The following ARNT2 variants were observed in gnomAD, a reference collection of about 807,000 sequenced individuals.
The protein encoded by ARNT2 is aryl hydrocarbon receptor nuclear translocator 2.
A neutral mutation model predicts 91.7 loss-of-function variants in ARNT2; 36 were observed. The ratio of observed to expected loss-of-function variants is 0.39; its 90% CI spans 0.30 to 0.52. The LOEUF (loss-of-function observed/expected upper bound fraction) is 0.52. ARNT2 is among the 20% of genes least tolerant of loss of function. ARNT2 has a pLI of 0.72. For synonymous variants in ARNT2, 365 were observed against 347.1 expected, an observed-to-expected ratio of 1.05 and a Z score of -0.57; for missense variants, 775 against 939.3, an observed-to-expected ratio of 0.83 and a Z score of 2.29.
At chr15:80,552,119 C>T (rs978518644) in intron 9 of ARNT2, among the ~76,000 whole-genome samples, 2 of 152,154 alleles carry the variant, frequency 1.3e-5, no homozygotes, top group African/African-American at 4.8e-5. Context: ...CCCTGGTTTC[C>T]TAGTTCTGAC....
chr15:80,545,156 C>T (rs1298671755), intron 8 of ARNT2, among the ~76,000 whole-genome samples: 1 of 152,246 alleles, frequency 6.6e-6, no homozygotes, highest in Non-Finnish European at 1.5e-5. Flanking sequence ...TGTCCATCTA[C>T]TGAGCAGGAG....
rs569391458 is a variant in ARNT2, at chr15:80,427,425, C to T, written c.31+22879C>T. ...CGTTCTTGGTATGGTACCTAATATA[C>T]AAGAGATGTGTCCAGAAAATCTTAG... is the stretch of plus-strand genomic sequence containing the variant. On this transcript the variant is annotated intron_variant, in intron 1 of 18. Transcript: ENST00000303329. Among the ~76,000 whole-genome samples the T allele has an allele frequency of 1.5e-3, 222 of 152,212 alleles. 1 individual carries two copies. The highest frequency in any genetic ancestry group is 3.7e-3 in the Admixed American group (56 of 15,284).
chr15:80,562,928 T>C (rs1898393448), intron 11 of ARNT2, 160 bp from the exon 12 acceptor site: 3 of 780,208 alleles, frequency 3.8e-6, no homozygotes, highest in Non-Finnish European at 6.5e-6. Flanking sequence ...GAGTTCCCAT[T>C]GCAAAACTGC....
In ARNT2 at chr15:80,575,035, G is replaced by T; in HGVS notation, c.1438G>T (p.Val480Leu). 1 of 1,614,182 alleles carries T rather than the reference G, an allele frequency of 6.2e-7. No homozygotes were observed. The highest frequency in any genetic ancestry group is 8.5e-7 in the Non-Finnish European group (1 of 1,180,016). ...PAGVHEAGKS[V>L]EKADAIFSQE... is the part of the protein sequence containing the mutation. Reference sequence around the variant, plus strand: ...CGGTGTTCATGAGGCCGGGAAGTCCGTGGAAAAGGCGGATGCAATCTTCTC... The same window carrying T: ...CGGTGTTCATGAGGCCGGGAAGTCCTTGGAAAAGGCGGATGCAATCTTCTC... The change falls in exon 14 of 19, where the codon GTG (valine) becomes TTG (leucine). Residue 480 changes from valine (V) to leucine (L), a missense_variant. Val to Leu is a conservative substitution (Grantham distance 32). This residue lies in a region of ARNT2 where 325 missense variants were observed against 359.9 expected (regional missense o/e 0.90). Coordinates refer to ENST00000303329, the MANE Select transcript of ARNT2 (RefSeq NM_014862.4).
chr15:80,505,284 A>G (rs1897258002), intron 5 of ARNT2, among the ~76,000 whole-genome samples: 1 of 152,220 alleles, frequency 6.6e-6, no homozygotes, highest in Non-Finnish European at 1.5e-5. Context: ...GTAGCAGTAC[A>G]GAGGCTGGAA....
intron 5 of ARNT2, among the ~76,000 whole-genome samples, chr15:80,490,075 C>T (rs1168953358): frequency 6.6e-6 from 1 of 151,994 alleles, no homozygotes; most frequent in African/African-American, 2.4e-5. Context: ...GTCAGGGATT[C>T]GTGCACACAC....
At chr15:80,554,938 A>T (rs1898150725) in intron 10 of ARNT2, 127 bp from the exon 11 acceptor site, 1 of 977,278 alleles carries the variant, frequency 1.0e-6, no homozygotes, top group Non-Finnish European at 1.5e-6. Flanking sequence ...TTTTCAAAAA[A>T]TCTGGGGTGG....
chr15:80,583,713 C>G (rs1320180360), intron 17 of ARNT2, among the ~76,000 whole-genome samples: 1 of 152,198 alleles, frequency 6.6e-6, no homozygotes, highest in Non-Finnish European at 1.5e-5. Flanking sequence ...CTTACCCAGG[C>G]TAACTTACTA....
chr15:80,488,845 G>T (rs1214225825), intron 5 of ARNT2: 1 of 152,042 alleles, frequency 6.6e-6, no homozygotes, highest in Non-Finnish European at 1.5e-5. Context: ...ACTGAAAAAT[G>T]TGCAGCACTT....
chr15:80,407,902 T>C (rs1036749341), intron 1 of ARNT2, among the ~76,000 whole-genome samples: 2 of 152,218 alleles, frequency 1.3e-5, no homozygotes, highest in African/African-American at 4.8e-5. Context: ...AATTTAAGCA[T>C]GAGGGAATCA....
At chr15:80,424,163 G>A (rs1251303179) in intron 1 of ARNT2, among the ~76,000 whole-genome samples, 1 of 152,102 alleles carries the variant, frequency 6.6e-6, no homozygotes, top group African/African-American at 2.4e-5. Flanking sequence ...ACCAGATCTG[G>A]GCATGTATAC....
intron 11 of ARNT2, among the ~76,000 whole-genome samples, chr15:80,560,581 C>T (rs771844547): frequency 3.9e-5 from 6 of 152,182 alleles, no homozygotes; most frequent in Non-Finnish European, 8.8e-5. Context: ...CACACTGTCT[C>T]GGGCGTTCTA....
chr15:80,591,607 C>G lies in ARNT2; in HGVS notation c.1958C>G (p.Pro653Arg). The change falls in exon 18 of 19, where the codon CCC becomes CGC. Residue 653 changes from proline to arginine, a missense_variant. By Grantham distance (103) the Pro-to-Arg change is moderately radical. Coordinates refer to ENST00000303329, the MANE Select transcript of ARNT2 (RefSeq NM_014862.4). The surrounding 1 kb of genome is among the most constrained non-coding windows in gnomAD (Gnocchi z 5.1). Reference protein sequence around the residue: ...GQSSGQFQGRPSEVWSQWQSQ... With the variant: ...GQSSGQFQGRRSEVWSQWQSQ... ...AGTAGCGGGCAGTTCCAAGGGCGGC[C>G]CTCGGAAGTCTGGTCGCAGTGGCAA... 6.2e-7 allele frequency: 1 copy of G among 1,614,116 alleles called. No individual in the cohort carries two copies. The highest frequency in any genetic ancestry group is 8.5e-7 in the Non-Finnish European group (1 of 1,180,020).
chr15:80,406,674 G>T (rs996946863), intron 1 of ARNT2, among the ~76,000 whole-genome samples: 9 of 152,204 alleles, frequency 5.9e-5, no homozygotes, highest in African/African-American at 1.9e-4. Flanking sequence ...GACTGCGGGA[G>T]ACTTGAATGG....
intron 12 of ARNT2, among the ~76,000 whole-genome samples, chr15:80,572,168 G>T (rs1898595475): frequency 6.6e-6 from 1 of 151,924 alleles, no homozygotes; most frequent in Admixed American, 6.6e-5. Flanking sequence ...TGAGCCTAAG[G>T]TGAGTTAGGA....
chr15:80,432,231 C>T (rs557252252), intron 1 of ARNT2, among the ~76,000 whole-genome samples: 10 of 152,274 alleles, frequency 6.6e-5, no homozygotes, highest in Non-Finnish European at 1.2e-4. Flanking sequence ...ACGGGGGGAA[C>T]GGCAGTGTCT....
At chr15:80,589,121 C>T (rs1450210412) in intron 17 of ARNT2, among the ~76,000 whole-genome samples, 3 of 152,168 alleles carry the variant, frequency 2.0e-5, no homozygotes, top group Non-Finnish European at 4.4e-5. Context: ...AGGTCACTTA[C>T]AGTAAGGACC....
intron 8 of ARNT2, among the ~76,000 whole-genome samples, chr15:80,533,645 A>G (rs982352783): frequency 6.6e-6 from 1 of 152,220 alleles, no homozygotes; most frequent in Non-Finnish European, 1.5e-5. Context: ...ATTTTTTACA[A>G]CTGAAAGTTG....
intron 6 of ARNT2, among the ~76,000 whole-genome samples, chr15:80,510,539 A>G (rs1267794988): frequency 6.6e-6 from 1 of 152,178 alleles, no homozygotes; most frequent in Non-Finnish European, 1.5e-5. Context: ...CTTATTAAAA[A>G]GTCAAAAAGG....
Sources: allele counts gnomAD v4.1 joint callset (sites outside exome capture counted in the v4.1 genomes callset), GRCh38; gene constraint gnomAD v4.1.1; regional missense constraint gnomAD v4.1.1; non-coding constraint Gnocchi (gnomAD v3.1); transcripts MANE v1.5; gene names NCBI Gene and HGNC (gene_info 2026-07-23, HGNC 2026-07-21).